Variants in NELL1 observed in about 807,000 individuals in gnomAD.
NELL1 encodes the protein neural EGFL like 1.
A neutral mutation model predicts 107.4 loss-of-function variants in NELL1; 76 were observed. The ratio of observed to expected loss-of-function variants is 0.71; its 90% CI spans 0.59 to 0.86. The LOEUF (loss-of-function observed/expected upper bound fraction) is 0.86. NELL1 is among the 40% of genes least tolerant of loss of function. The pLI is 0.00. For missense variants in NELL1, 1,024 were observed against 1,005.5 expected (o/e 1.02, Z -0.25); for synonymous variants, 353 against 341.2 (o/e 1.03, Z -0.38).
intron 15 of NELL1, among the ~76,000 whole-genome samples, chr11:21,434,178 G>A (rs1414401355): frequency 6.6e-6 from 1 of 152,066 alleles, no homozygotes; most frequent in African/African-American, 2.4e-5. Flanking sequence ...TTGCTATACA[G>A]GAGATTTTTT....
chr11:21,072,221 TAATC>T (rs1258560578), intron 12 of NELL1, among the ~76,000 whole-genome samples: 1 of 152,164 alleles, frequency 6.6e-6, no homozygotes, highest in East Asian at 1.9e-4. Context: ...TGGCATATAA[TAATC>T]AAAGCAATAA....
chr11:21,516,740 T>TACAC lies in NELL1; in HGVS notation c.1646-17616_1646-17613dup, dbSNP rs113449367. 4.3e-3 allele frequency among the ~76,000 whole-genome samples: 611 copies of TACAC among 141,988 alleles called. 7 individuals carry two copies. The highest frequency in any genetic ancestry group is 0.014 in the African/African-American group (520 of 38,170). 93.1% of individuals were successfully genotyped at this position (141,988 alleles called of 152,430 possible). A position where few individuals can be genotyped will look rare whatever the true frequency, so the allele number is the denominator to read the frequency against. On this transcript the variant is annotated intron_variant, in intron 15 of 19. Transcript: ENST00000357134. ...TCTGTCAATCACACACACACACACATACACACACACACACACACACAGACA... is the reference window on the plus strand; with the variant it reads ...TCTGTCAATCACACACACACACACATACACACACACACACACACACACACAGACA...
intron 1 of NELL1, among the ~76,000 whole-genome samples, chr11:20,675,922 A>C (rs1854044255): frequency 6.6e-6 from 1 of 151,484 alleles, no homozygotes; most frequent in Non-Finnish European, 1.5e-5. Context: ...TAATTTTTTG[A>C]TCTTTTTGTA....
At chr11:20,717,128 A>G (rs958699252) in intron 2 of NELL1, among the ~76,000 whole-genome samples, 5 of 152,180 alleles carry the variant, frequency 3.3e-5, no homozygotes, top group Admixed American at 2.6e-4. Context: ...TTAAATTCTT[A>G]TGGCACATAC....
At chr11:21,271,873 A>G (rs982845027) in intron 14 of NELL1, among the ~76,000 whole-genome samples, 1 of 152,252 alleles carries the variant, frequency 6.6e-6, no homozygotes, top group East Asian at 1.9e-4. Flanking sequence ...GCTAAAGAAG[A>G]AAAATCACAT....
At chr11:21,288,061 A>AGAAGGGAAG (rs1188362974) in intron 14 of NELL1, among the ~76,000 whole-genome samples, 9 of 151,590 alleles carry the variant, frequency 5.9e-5, no homozygotes, top group Non-Finnish European at 7.4e-5. Context: ...AAGGAAGGAA[A>AGAAGGGAAG]GAAGGAAATA....
At position 21,129,810 on chromosome 11, in the gene NELL1, T is replaced by C. The variant is rs764557031; in HGVS notation, c.1426+16096T>C. Among the ~76,000 whole-genome samples, 253 of 152,206 alleles carry C rather than the reference T, an allele frequency of 1.7e-3. 1 individual carries two copies. Among genetic ancestry groups the C allele is most frequent in the Non-Finnish European group, 2.7e-3 (185 of 68,042 alleles). Reference sequence around the variant, plus strand: ...GGTATAGGGCATTAGTTTTACAAGATGAAAAGAGTTTTGGAGATGGATGGT... The same window carrying C: ...GGTATAGGGCATTAGTTTTACAAGACGAAAAGAGTTTTGGAGATGGATGGT... On this transcript the variant is annotated intron_variant, in intron 13 of 19. Coordinates refer to ENST00000357134, the MANE Select transcript of NELL1 (RefSeq NM_006157.5).
chr11:20,680,679 A>C (rs1458479824), intron 2 of NELL1, among the ~76,000 whole-genome samples: 1 of 152,078 alleles, frequency 6.6e-6, no homozygotes, highest in Non-Finnish European at 1.5e-5. Flanking sequence ...CTTAGAAATA[A>C]TCCTCTTTGG....
chr11:20,747,624 T>G (rs1023916995), intron 2 of NELL1, among the ~76,000 whole-genome samples: 4 of 152,216 alleles, frequency 2.6e-5, no homozygotes, highest in Non-Finnish European at 5.9e-5. Flanking sequence ...CCTAGTCACT[T>G]CCTAAAGGCC....
At chr11:20,988,233 T>A (rs1339216290) in intron 12 of NELL1, among the ~76,000 whole-genome samples, 2 of 152,136 alleles carry the variant, frequency 1.3e-5, no homozygotes, top group African/African-American at 4.8e-5. Flanking sequence ...GAGCCCTTCT[T>A]CTGGGTAGAA....
intron 14 of NELL1, among the ~76,000 whole-genome samples, chr11:21,276,524 C>A (rs932095018): frequency 6.6e-6 from 1 of 152,158 alleles, no homozygotes; most frequent in South Asian, 2.1e-4. Context: ...CAATGACTTT[C>A]TTCACAGAAT....
At chr11:21,053,272 C>T (rs1565035051) in intron 12 of NELL1, among the ~76,000 whole-genome samples, 1 of 152,176 alleles carries the variant, frequency 6.6e-6, no homozygotes, top group Non-Finnish European at 1.5e-5. Context: ...CCTCCCCTAG[C>T]CCCCCACCCT....
At chr11:21,098,573 T>C (rs551681025) in intron 12 of NELL1, among the ~76,000 whole-genome samples, 1 of 151,858 alleles carries the variant, frequency 6.6e-6, no homozygotes, top group South Asian at 2.1e-4. Flanking sequence ...AACAGTAGAG[T>C]AGTATTTGGA....
intron 14 of NELL1, among the ~76,000 whole-genome samples, chr11:21,306,465 T>C (rs1849606760): frequency 6.6e-6 from 1 of 152,038 alleles, no homozygotes; most frequent in South Asian, 2.1e-4. Context: ...ATAATAATAA[T>C]GATGATGGAA....
chr11:21,276,996 T>G (rs1848879593), intron 14 of NELL1, among the ~76,000 whole-genome samples: 1 of 151,166 alleles, frequency 6.6e-6, no homozygotes, highest in African/African-American at 2.4e-5. Flanking sequence ...GGGCAAGGAC[T>G]TCATGTCTAA....
intron 14 of NELL1, among the ~76,000 whole-genome samples, chr11:21,309,279 TG>T (rs1245579590): frequency 0.01 from 167 of 16,556 alleles, no homozygotes; most frequent in East Asian, 0.023. Flanking sequence ...TATATATATA[TG>T]TATATATATA....
At chr11:21,284,838 GTCT>G (rs1849080655) in intron 14 of NELL1, 1 of 308,494 alleles carries the variant, frequency 3.2e-6, no homozygotes, top group South Asian at 3.0e-5. Flanking sequence ...TAATACTGCA[GTCT>G]TGGCATCCTT....
chr11:21,063,122 A>C (rs1457352491), intron 12 of NELL1, among the ~76,000 whole-genome samples: 2 of 152,128 alleles, frequency 1.3e-5, no homozygotes, highest in African/African-American at 4.8e-5. Context: ...TGCTAGGATT[A>C]CAAATGTGAG....
intron 14 of NELL1, among the ~76,000 whole-genome samples, chr11:21,236,287 C>A (rs1426819515): frequency 6.6e-6 from 1 of 152,106 alleles, no homozygotes; most frequent in African/African-American, 2.4e-5. Context: ...ATATTTCAGC[C>A]TTTACCACAC....
Sources: allele counts gnomAD v4.1 joint callset (sites outside exome capture counted in the v4.1 genomes callset), GRCh38; gene constraint gnomAD v4.1.1; transcripts MANE v1.5; gene names NCBI Gene and HGNC (gene_info 2026-07-23, HGNC 2026-07-21).